The following ERCC1 variants were observed in gnomAD, a reference collection of about 807,000 sequenced individuals.
ERCC1 encodes DNA excision repair protein ERCC-1.
A neutral mutation model predicts 37.6 loss-of-function variants in ERCC1; 36 were observed. That is an observed-to-expected ratio of 0.96 (90% confidence interval 0.73 to 1.26). The LOEUF is 1.26. Ranked by LOEUF, ERCC1 falls within the 50% of genes most tolerant of loss-of-function variation. ERCC1 has a pLI of 0.00. For synonymous variants in ERCC1, 156 were observed against 162.1 expected (o/e 0.96, Z 0.28); for missense variants, 349 against 376.5 (o/e 0.93, Z 0.60).
intron 1 of ERCC1, 80 bp from the exon 2 acceptor site, chr19:45,423,461 C>A: frequency 2.0e-6 from 3 of 1,529,478 alleles, no homozygotes; most frequent in Non-Finnish European, 2.6e-6. Flanking sequence ...CCACTCACAG[C>A]CGTCCCCCAC....
chr19:45,445,889 ATTT>A (rs1966925837), intron 1 of ERCC1, among the ~76,000 whole-genome samples: 3 of 151,898 alleles, frequency 2.0e-5, no homozygotes, highest in African/African-American at 7.3e-5. Flanking sequence ...TAATTAATTT[ATTT>A]ATTTATTTAT....
At chr19:45,441,678 T>A (rs77305129) in intron 1 of ERCC1, among the ~76,000 whole-genome samples, 2 of 140,076 alleles carry the variant, frequency 1.4e-5, no homozygotes, top group African/African-American at 5.2e-5. Flanking sequence ...TCCAGCCTAA[T>A]TTTTTTTTTT....
At chr19:45,412,861 T>G (rs1973826905) in intron 9 of ERCC1, among the ~76,000 whole-genome samples, 1 of 152,074 alleles carries the variant, frequency 6.6e-6, no homozygotes, top group African/African-American at 2.4e-5. Context: ...TGCCTCAGCC[T>G]TCCAAGTAGC....
chr19:45,420,523 C>T lies in ERCC1; in HGVS notation c.322-96G>A, dbSNP rs535807595. The stretch of plus-strand genomic sequence containing the variant: ...TCTTCTTGCACCTCCTCCCTCCTCC[C>T]ACCTCTTCCCACACCTCCTGCCTCC... On this transcript the variant is annotated intron_variant, in intron 3 of 9. Transcript: ENST00000300853. The surrounding 1 kb of genome is among the most constrained non-coding windows in gnomAD (Gnocchi z 4.8). 7.8e-5 allele frequency: 59 copies of T among 757,928 alleles called. No individual in the cohort carries two copies. The African/African-American group carries it at 8.3e-4, about 11-fold the overall frequency. The allele number at this position is 757,928 out of a possible 1,614,324, so 47.0% of individuals were successfully genotyped here. A position where few individuals can be genotyped will look rare whatever the true frequency, so the allele number is the denominator to read the frequency against.
intron 1 of ERCC1, among the ~76,000 whole-genome samples, chr19:45,439,265 T>C (rs553956015): frequency 3.9e-5 from 6 of 152,270 alleles, no homozygotes; most frequent in East Asian, 3.9e-4. Context: ...TTAGGAAGTG[T>C]CCAAGCTCAA....
intron 1 of ERCC1, among the ~76,000 whole-genome samples, chr19:45,432,633 C>G (rs1342679279): frequency 6.6e-6 from 1 of 152,094 alleles, no homozygotes; most frequent in Non-Finnish European, 1.5e-5. Context: ...ACGCTTTGAA[C>G]TGGGCTAAAG....
intron 1 of ERCC1, among the ~76,000 whole-genome samples, chr19:45,431,491 A>C (rs112052461): frequency 1.3e-3 from 201 of 152,278 alleles, no homozygotes; most frequent in African/African-American, 4.7e-3. Context: ...CAGCCTGACC[A>C]ACACGGAGAA....
Position 45,420,377 on chromosome 19 carries a change from G to A in ERCC1, c.372C>T (p.Gly124=), listed in dbSNP as rs181766045. The A allele has an allele frequency of 2.3e-5, 37 of 1,613,692 alleles. 1 individual carries two copies. The highest frequency in any genetic ancestry group is 1.7e-4 in the African/African-American group (13 of 75,040). The change falls in exon 4 of 10, where the codon GGC becomes GGT. Residue 124 remains glycine (G), a synonymous_variant. Coordinates refer to ENST00000300853, the MANE Select transcript of ERCC1 (RefSeq NM_001983.4). The surrounding 1 kb of genome is among the most constrained non-coding windows in gnomAD (Gnocchi z 4.8). The part of the protein sequence containing the change: ...KFVRNVPWEF[G]DVIPDYVLGQ... Reference sequence around the variant, plus strand: ...CCAGCACATAGTCGGGAATTACGTCGCCAAATTCCCAGGGCACATTGCGCA... The same window carrying A: ...CCAGCACATAGTCGGGAATTACGTCACCAAATTCCCAGGGCACATTGCGCA...
Position 45,414,916 on chromosome 19 carries a change from T to C in ERCC1, c.647A>G (p.Glu216Gly). 6.2e-7 allele frequency: 1 copy of C among 1,613,936 alleles called. No individual in the cohort carries two copies. Among genetic ancestry groups the C allele is most frequent in the East Asian group, 2.2e-5 (1 of 44,880 alleles). ...CATCAGGAGGTCCGCTGGTTTCTGC[T>C]CATAGGCCTTGTAGGTCTCCAGGTA... Reference protein sequence around the residue: ...GRYLETYKAYEQKPADLLMEK... With the variant: ...GRYLETYKAYGQKPADLLMEK... Residue 216 changes from glutamate (E) to glycine (G), a missense_variant, in exon 7 of 10, where the codon GAG becomes GGG. Coordinates refer to ENST00000300853, the MANE Select transcript of ERCC1 (RefSeq NM_001983.4).
intron 1 of ERCC1, among the ~76,000 whole-genome samples, chr19:45,431,908 A>T (rs1444579402): frequency 1.3e-5 from 2 of 152,060 alleles, no homozygotes; most frequent in Non-Finnish European, 2.9e-5. Flanking sequence ...ATTTTTTTTT[A>T]TTTTGGAAAA....
chr19:45,420,201 G>A lies in ERCC1; in HGVS notation c.425+123C>T. On this transcript the variant is annotated intron_variant, in intron 4 of 9. Coordinates refer to ENST00000300853, the MANE Select transcript of ERCC1 (RefSeq NM_001983.4). This position sits in a 1 kb window ranked among gnomAD's most constrained non-coding sequence, Gnocchi z 4.8. ...GCCTCCAACACAGGGTCCCACCAAGGCCCAGAACCTGCAGGACCATGCCCA... is the reference window on the plus strand; with the variant it reads ...GCCTCCAACACAGGGTCCCACCAAGACCCAGAACCTGCAGGACCATGCCCA... The A allele has an allele frequency of 2.7e-6, 2 of 732,026 alleles. No individual in the cohort carries two copies. The allele number at this position is 732,026 out of a possible 1,614,324, so 45.3% of individuals were successfully genotyped here.
rs754011540 is a variant in ERCC1 at position 45,408,755 on chromosome 19, G to A, written c.*920C>T. The A allele has an allele frequency of 8.7e-6, 14 of 1,613,684 alleles. No homozygotes were observed. The highest frequency in any genetic ancestry group is 2.7e-5 in the African/African-American group (2 of 74,798). On this transcript the variant is annotated 3_prime_UTR_variant, in exon 10 of 10. Transcript: ENST00000300853. ...GAAGCCCAAAGGGAAAGAAACCTTCGAGCCAGAAGACAAGACAGTGAAGCA... is the reference window on the plus strand; with the variant it reads ...GAAGCCCAAAGGGAAAGAAACCTTCAAGCCAGAAGACAAGACAGTGAAGCA...
At chr19:45,438,840 C>T (rs1975046862) in intron 1 of ERCC1, among the ~76,000 whole-genome samples, 1 of 151,738 alleles carries the variant, frequency 6.6e-6, no homozygotes, top group African/African-American at 2.4e-5. Flanking sequence ...GGGGTTTCTC[C>T]GTGTTGGTCA....
intron 3 of ERCC1, 122 bp downstream of exon 3, chr19:45,421,056 T>C (rs149918837): frequency 1.2e-6 from 1 of 813,936 alleles, no homozygotes; most frequent in African/African-American, 1.7e-5. Context: ...AATGAATGAA[T>C]GAATGAATGA....
intron 9 of ERCC1, among the ~76,000 whole-genome samples, chr19:45,411,431 T>C (rs1182359293): frequency 6.6e-6 from 1 of 151,668 alleles, no homozygotes; most frequent in East Asian, 1.9e-4. Flanking sequence ...AGGGTTCCCT[T>C]TTCTTCACAT....
At chr19:45,443,801 C>T (rs1385491368) in intron 1 of ERCC1, among the ~76,000 whole-genome samples, 8 of 151,996 alleles carry the variant, frequency 5.3e-5, no homozygotes, top group Non-Finnish European at 8.8e-5. Context: ...CTCCTTCTCC[C>T]TGGGGATCCT....
At chr19:45,437,939 G>A (rs560755067) in intron 1 of ERCC1, among the ~76,000 whole-genome samples, 34 of 148,020 alleles carry the variant, frequency 2.3e-4, no homozygotes, top group Admixed American at 2.0e-3. Flanking sequence ...ACGGAGTCTC[G>A]CTCTGCTGCC....
Position 45,407,337 on chromosome 19 carries a change from A to C in ERCC1, c.*2338T>G. The C allele has an allele frequency of 8.7e-7, 1 of 1,147,346 alleles. No individual in the cohort carries two copies. Among genetic ancestry groups the C allele is most frequent in the Non-Finnish European group, 1.2e-6 (1 of 806,568 alleles). 71.1% of individuals were successfully genotyped at this position (1,147,346 alleles called of 1,614,324 possible). A position where few individuals can be genotyped will look rare whatever the true frequency, so the allele number is the denominator to read the frequency against. ...GAATTAGAGGTGAGTCACAGAGCAC[A>C]GTGAAAGAAACAAGTTTATTGGAAA... is the stretch of plus-strand genomic sequence containing the variant. On this transcript the variant is annotated 3_prime_UTR_variant, in exon 10 of 10. Coordinates refer to ENST00000300853, the MANE Select transcript of ERCC1 (RefSeq NM_001983.4).
intron 9 of ERCC1, among the ~76,000 whole-genome samples, chr19:45,410,975 C>T (rs1457745238): frequency 6.6e-6 from 1 of 152,162 alleles, no homozygotes; most frequent in Non-Finnish European, 1.5e-5. Flanking sequence ...AGGCACGCGC[C>T]ACCACACCCA....
Sources: allele counts gnomAD v4.1 joint callset (sites outside exome capture counted in the v4.1 genomes callset), GRCh38; gene constraint gnomAD v4.1.1; non-coding constraint Gnocchi (gnomAD v3.1); transcripts MANE v1.5; gene names NCBI Gene and HGNC (gene_info 2026-07-23, HGNC 2026-07-21).